Variants in AHCYL1 observed in about 807,000 individuals in gnomAD.
AHCYL1 encodes the protein adenosylhomocysteinase like 1.
In AHCYL1, 20 loss-of-function variants were observed where a neutral mutation model predicts 79.3. The ratio of observed to expected loss-of-function variants is 0.25; its 90% CI spans 0.18 to 0.37. The LOEUF (loss-of-function observed/expected upper bound fraction) is 0.37. AHCYL1 is among the 10% of genes least tolerant of loss of function. AHCYL1 has a pLI of 1.00. For synonymous variants in AHCYL1, 223 were observed against 242.2 expected (o/e 0.92, Z 0.74); for missense variants, 330 against 673.6 (o/e 0.49, Z 5.65).
Position 109,984,828 on chromosome 1 carries a change from C to T in AHCYL1, c.-225C>T. The T allele has an allele frequency of 1.5e-5, 5 of 342,062 alleles. No homozygotes were observed. The highest frequency in any genetic ancestry group is 1.9e-5 in the Non-Finnish European group (5 of 258,820). 21.2% of individuals were successfully genotyped at this position (342,062 alleles called of 1,614,324 possible). A position where few individuals can be genotyped will look rare whatever the true frequency, so the allele number is the denominator to read the frequency against. Reference sequence around the variant, plus strand: ...GCGGGCAGGTCGGAGCTCGGAGCTGCTGTTCTGGTTCTCTTGTGGCCGCCG... The same window carrying T: ...GCGGGCAGGTCGGAGCTCGGAGCTGTTGTTCTGGTTCTCTTGTGGCCGCCG... On this transcript the variant is annotated 5_prime_UTR_variant, in exon 1 of 17. Transcript: ENST00000369799.
At chr1:110,019,660 G>GT in intron 15 of AHCYL1, 34 bp downstream of exon 15, 2 of 1,561,042 alleles carry the variant, frequency 1.3e-6, no homozygotes, top group Non-Finnish European at 1.7e-6. Context: ...TATGCAGACA[G>GT]CTGCATAGTT....
intron 1 of AHCYL1, among the ~76,000 whole-genome samples, chr1:110,003,598 T>C (rs1392576390): frequency 6.6e-6 from 1 of 151,992 alleles, no homozygotes; most frequent in African/African-American, 2.4e-5. Context: ...TCACCTGTAC[T>C]GATTTTTTTT....
rs77283440 is a variant in AHCYL1 at position 109,999,931 on chromosome 1, T to A, written c.121-9103T>A. Among the ~76,000 whole-genome samples, 1,338 of 152,222 alleles carry A rather than the reference T, an allele frequency of 8.8e-3. 27 individuals carry two copies. Among genetic ancestry groups the A allele is most frequent in the African/African-American group, 0.031 (1,267 of 41,526 alleles). ...GTGGAATTCAGCTGTGCTAGATCTTTTAGACATAAGACTTGGAAAGGGTGC... is the reference window on the plus strand; with the variant it reads ...GTGGAATTCAGCTGTGCTAGATCTTATAGACATAAGACTTGGAAAGGGTGC... On this transcript the variant is annotated intron_variant, in intron 1 of 16. Coordinates refer to ENST00000369799, the MANE Select transcript of AHCYL1 (RefSeq NM_006621.7).
At chr1:110,001,980 C>T (rs554044228) in intron 1 of AHCYL1, among the ~76,000 whole-genome samples, 1 of 152,282 alleles carries the variant, frequency 6.6e-6, no homozygotes, top group East Asian at 1.9e-4. Flanking sequence ...TGACACGTCA[C>T]TCAGTAAATT....
chr1:109,987,581 A>G (rs1162378359), intron 1 of AHCYL1, among the ~76,000 whole-genome samples: 1 of 152,182 alleles, frequency 6.6e-6, no homozygotes, highest in Non-Finnish European at 1.5e-5. Context: ...CTTTCTGGTC[A>G]GCTTTTATTC....
Position 110,018,553 on chromosome 1 carries a change from C to A in AHCYL1, c.1220C>A (p.Thr407Asn), listed in dbSNP as rs775989500. Residue 407 changes from threonine to asparagine, a missense_variant and splice_region_variant, in exon 13 of 17, where the codon ACC (threonine) becomes AAC (asparagine). Coordinates refer to ENST00000369799, the MANE Select transcript of AHCYL1 (RefSeq NM_006621.7). The stretch of plus-strand genomic sequence containing the variant: ...TCAACTGTGCTTTCTTCCTTTCAGA[C>A]CAGCCTCCGCACTCCGGAGCTGACG... ...MGHSNTEIDVTSLRTPELTWE... is the reference protein window; with the variant it reads ...MGHSNTEIDVNSLRTPELTWE... 2 of 1,614,090 alleles carry A rather than the reference C, an allele frequency of 1.2e-6. No homozygotes were observed. Among genetic ancestry groups the A allele is most frequent in the Non-Finnish European group, 1.7e-6 (2 of 1,180,012 alleles).
At chr1:110,014,377 A>C (rs1651273007) in intron 5 of AHCYL1, among the ~76,000 whole-genome samples, 1 of 152,226 alleles carries the variant, frequency 6.6e-6, no homozygotes, top group African/African-American at 2.4e-5. Flanking sequence ...CATTTGTAAT[A>C]GTCATTCATA....
chr1:110,012,445 A>G lies in AHCYL1; in HGVS notation c.460A>G (p.Ile154Val), dbSNP rs750663338. 2 of 1,608,762 alleles carry G rather than the reference A, an allele frequency of 1.2e-6. No homozygotes were observed. Among genetic ancestry groups the G allele is most frequent in the Admixed American group, 1.7e-5 (1 of 59,258 alleles). ...TGCTAAAATAGTGGGCTGTACACACATCACAGCCCAGACAGCGGTGAGTTT... is the reference window on the plus strand; with the variant it reads ...TGCTAAAATAGTGGGCTGTACACACGTCACAGCCCAGACAGCGGTGAGTTT... ...AGAKIVGCTHITAQTAVLIET... is the reference protein window; with the variant it reads ...AGAKIVGCTHVTAQTAVLIET... Residue 154 changes from isoleucine to valine, a missense_variant, in exon 4 of 17, where the codon ATC (isoleucine) becomes GTC (valine). Ile to Val is a conservative substitution (Grantham distance 29, BLOSUM62 3). Around this residue, in one of 6 missense-constraint regions of AHCYL1, gnomAD observed 97 missense variants for 176.3 expected, o/e 0.55. Coordinates refer to ENST00000369799, the MANE Select transcript of AHCYL1 (RefSeq NM_006621.7).
intron 1 of AHCYL1, among the ~76,000 whole-genome samples, chr1:109,994,939 G>T (rs1649948585): frequency 6.6e-6 from 1 of 152,146 alleles, no homozygotes; most frequent in African/African-American, 2.4e-5. Context: ...AAGCTGGTTG[G>T]GAACATGGTG....
rs189257556 is a variant in AHCYL1, at chr1:110,005,333, C to G, written c.121-3701C>G. On this transcript the variant is annotated intron_variant, in intron 1 of 16. Transcript: ENST00000369799. ...TGAAATAACGAATTTGACAAGATGTCTAAGTTAAACCTAAGTTAAACAATA... is the reference window on the plus strand; with the variant it reads ...TGAAATAACGAATTTGACAAGATGTGTAAGTTAAACCTAAGTTAAACAATA... Among the ~76,000 whole-genome samples the G allele has an allele frequency of 1.9e-4, 29 of 152,036 alleles. No individual in the cohort carries two copies. In the East Asian group the frequency reaches 2.5e-3, roughly 13 times the overall value.
chr1:110,015,719 C>G (rs940355551), intron 7 of AHCYL1, among the ~76,000 whole-genome samples, 188 bp downstream of exon 7: 2 of 152,150 alleles, frequency 1.3e-5, no homozygotes, highest in African/African-American at 4.8e-5. Flanking sequence ...GGTTCTAGTT[C>G]ATACATTTTT....
Position 109,995,847 on chromosome 1 carries a change from C to T in AHCYL1, c.120+10675C>T, listed in dbSNP as rs150729301. 1.7e-5 allele frequency: 4 copies of T among 230,472 alleles called. No homozygotes were observed. The Admixed American group carries it at 2.0e-4, about 11-fold the overall frequency. 14.3% of individuals were successfully genotyped at this position (230,472 alleles called of 1,614,324 possible). On this transcript the variant is annotated intron_variant, in intron 1 of 16. Transcript: ENST00000369799. The stretch of plus-strand genomic sequence containing the variant: ...TTTTGAAACAGCTTCACCAGATAAA[C>T]TTGAAATCTCCCAGATTTAGAACCA...
rs1651146377 is a variant in AHCYL1 at position 110,012,998 on chromosome 1, T to G, written c.579T>G (p.Ala193=). ...AAGTAGCTGCAGCACTGGCTGAGGCTGGTAAGTTCGGTTTTTTCCCACCAA... is the reference window on the plus strand; with the variant it reads ...AAGTAGCTGCAGCACTGGCTGAGGCGGGTAAGTTCGGTTTTTTCCCACCAA... ...QNEVAAALAE[A]GVAVFAWKGE... The change falls in exon 5 of 17, where the codon GCT becomes GCG. Residue 193 remains alanine (A), a splice_region_variant and synonymous_variant. Coordinates refer to ENST00000369799, the MANE Select transcript of AHCYL1 (RefSeq NM_006621.7). 6.2e-6 allele frequency: 10 copies of G among 1,604,760 alleles called. No homozygotes were observed. The highest frequency in any genetic ancestry group is 7.6e-6 in the Non-Finnish European group (9 of 1,176,804).
chr1:110,009,028 G>A lies in AHCYL1; in HGVS notation c.121-6G>A, dbSNP rs773439989. 1.2e-6 allele frequency: 2 copies of A among 1,603,622 alleles called. No homozygotes were observed. Among genetic ancestry groups the A allele is most frequent in the East Asian group, 2.2e-5 (1 of 44,642 alleles). ...GTTTTCAACTTTTTGTCTTCCTTTT[G>A]TATAGCAAATCCAGTTTGCTGATGA... On this transcript the variant is annotated splice_region_variant and splice_polypyrimidine_tract_variant and intron_variant, in intron 1 of 16. Transcript: ENST00000369799.
At chr1:109,996,137 G>A (rs1393977357) in intron 1 of AHCYL1, among the ~76,000 whole-genome samples, 2 of 152,150 alleles carry the variant, frequency 1.3e-5, no homozygotes, top group Admixed American at 6.5e-5. Context: ...AACCCATGGG[G>A]CGGAGCAGGT....
chr1:110,010,691 C>G (rs985799813), intron 2 of AHCYL1, among the ~76,000 whole-genome samples: 1 of 152,174 alleles, frequency 6.6e-6, no homozygotes, highest in Non-Finnish European at 1.5e-5. Flanking sequence ...TCAGCAACAC[C>G]TGGTAACTTG....
Position 110,011,148 on chromosome 1 carries a change from T to TGCACTCTGTAGAGTTGGGGACC in AHCYL1, c.233-65_233-44dup. 2.5e-6 allele frequency: 4 copies of TGCACTCTGTAGAGTTGGGGACC among 1,584,602 alleles called. No individual in the cohort carries two copies. The African/African-American group carries it at 5.5e-5, about 22-fold the overall frequency. ...ACTTAAATGAAAGTCCCTTGGGGAC[T>TGCACTCTGTAGAGTTGGGGACC]GCACTCTGTAGAGTTGGGGACCACT... On this transcript the variant is annotated intron_variant, in intron 2 of 16. Coordinates refer to ENST00000369799, the MANE Select transcript of AHCYL1 (RefSeq NM_006621.7).
chr1:110,013,582 C>T (rs149426003), intron 5 of AHCYL1, among the ~76,000 whole-genome samples: 6,665 of 151,656 alleles, frequency 0.044, 195 homozygotes, highest in Non-Finnish European at 0.063. Flanking sequence ...TGGTGGTGTG[C>T]GCCTGTAATC....
At chr1:109,985,644 C>T (rs1157875887) in intron 1 of AHCYL1, 1 of 738,086 alleles carries the variant, frequency 1.4e-6, no homozygotes, top group Non-Finnish European at 1.7e-6. Context: ...GAAAAGAATG[C>T]GTGAAGCTAG....
Sources: gnomAD v4.1 joint callset for allele counts (sites outside exome capture counted in the v4.1 genomes callset) on GRCh38, gnomAD v4.1.1 for gene constraint, gnomAD v4.1.1 regional missense constraint, MANE v1.5 for transcripts, NCBI Gene and HGNC (gene_info 2026-07-23, HGNC 2026-07-21) for gene names.